USP9X: variants seen among roughly 807,000 people sequenced by gnomAD.
USP9X encodes ubiquitin carboxyl-terminal hydrolase 9X.
A neutral mutation model predicts 190.3 loss-of-function variants in USP9X; 7 were observed. The ratio of observed to expected loss-of-function variants is 0.04; its 90% confidence interval spans 0.02 to 0.07. The LOEUF is 0.07. Among genes scored for constraint, USP9X ranks in the 10% least tolerant of loss-of-function variants. The pLI, the probability that USP9X is intolerant of heterozygous loss-of-function variation, is 1.00. For missense variants in USP9X, 1,010 were observed against 1,916.9 expected, an observed-to-expected ratio of 0.53 and a Z score of 8.83; for synonymous variants, 645 against 659.5, an observed-to-expected ratio of 0.98 and a Z score of 0.34.
intron 13 of USP9X, among the ~76,000 whole-genome samples, chrX:41,151,704 G>A (rs184597230): frequency 1.3e-3 from 150 of 112,830 alleles, no homozygotes; most frequent in African/African-American, 4.6e-3. Context: ...TGTTTGGCCT[G>A]GTGCGGTGGC....
chrX:41,200,185 T>C (rs1381437991), intron 30 of USP9X, among the ~76,000 whole-genome samples: 3 of 108,972 alleles, frequency 2.8e-5, no homozygotes, highest in Non-Finnish European at 5.7e-5. Flanking sequence ...TTAGCTGTCC[T>C]ATCAAATCTA....
chrX:41,226,519 TA>T (rs1394519958), intron 41 of USP9X, among the ~76,000 whole-genome samples: 1 of 112,216 alleles, frequency 8.9e-6, no homozygotes, highest in Non-Finnish European at 1.9e-5. Flanking sequence ...ACAAGTTCTG[TA>T]ACAACAAAAT....
At chrX:41,190,128 A>G (rs766918087) in intron 26 of USP9X, among the ~76,000 whole-genome samples, 43 of 112,364 alleles carry the variant, frequency 3.8e-4, no homozygotes, top group African/African-American at 1.4e-3. Flanking sequence ...TTTTGTGAAA[A>G]GACACAGAAA....
chrX:41,184,255 G>A, intron 22 of USP9X, 127 bp downstream of exon 22: 1 of 998,397 alleles, frequency 1.0e-6, no homozygotes, highest in Non-Finnish European at 1.3e-6. Flanking sequence ...TAATGAAGTA[G>A]TTTTGAAATG....
At chrX:41,128,231 TG>T (rs1203266308) in intron 2 of USP9X, among the ~76,000 whole-genome samples, 2 of 112,159 alleles carry the variant, frequency 1.8e-5, no homozygotes, top group Non-Finnish European at 3.8e-5. Flanking sequence ...TACTTTATAA[TG>T]TATAAAATGT....
At chrX:41,123,301 G>T (rs886597869) in intron 1 of USP9X, among the ~76,000 whole-genome samples, 170 bp from the exon 2 acceptor site, 2 of 111,914 alleles carry the variant, frequency 1.8e-5, no homozygotes, top group Non-Finnish European at 3.8e-5. Flanking sequence ...CCAATGATCA[G>T]TTTTAAGTTA....
intron 31 of USP9X, 170 bp from the exon 32 acceptor site, chrX:41,205,133 T>A: frequency 2.5e-6 from 1 of 396,116 alleles, no homozygotes; most frequent in South Asian, 5.5e-5. Context: ...TGATAACTAA[T>A]ATGTGAAATG....
rs1602013204 is a variant in USP9X at position 41,186,752 on chromosome X, A to G, written c.3684+110A>G. 5 of 851,257 alleles carry G rather than the reference A, an allele frequency of 5.9e-6. No individual in the cohort carries two copies. In the East Asian group the frequency reaches 9.6e-5, roughly 16 times the overall value. 70.2% of individuals were successfully genotyped at this position (851,257 alleles called of 1,213,427 possible). A position where few individuals can be genotyped will look rare whatever the true frequency, so the allele number is the denominator to read the frequency against. ...CCCCTTAATATCAGTTTTGTCTACT[A>G]TTAATATTAGTACTTTCTGTTTTTA... On this transcript the variant is annotated intron_variant, in intron 24 of 44. Transcript: ENST00000378308.
chrX:41,154,924 G>A (rs1410496219), intron 14 of USP9X, among the ~76,000 whole-genome samples: 1 of 111,631 alleles, frequency 9.0e-6, no homozygotes, highest in African/African-American at 3.3e-5. Context: ...TTTAAAACCA[G>A]TAAAATTCTT....
At chrX:41,101,668 C>CA (rs1414187077) in intron 1 of USP9X, among the ~76,000 whole-genome samples, 7 of 108,153 alleles carry the variant, frequency 6.5e-5, no homozygotes, top group African/African-American at 9.9e-5. Context: ...GACTCCGTCT[C>CA]AAAAAAAATA....
chrX:41,113,547 G>A (rs2062125002), intron 1 of USP9X, among the ~76,000 whole-genome samples: 2 of 111,948 alleles, frequency 1.8e-5, no homozygotes, highest in Non-Finnish European at 3.8e-5. Context: ...TTGAAAGAAA[G>A]CTTAGCTGAA....
At chrX:41,151,624 T>C (rs144140001) in intron 13 of USP9X, among the ~76,000 whole-genome samples, 461 of 111,730 alleles carry the variant, frequency 4.1e-3, no homozygotes, top group African/African-American at 0.014. Context: ...CACAGTGGAG[T>C]CAGGATTCCT....
At chrX:41,198,216 A>G (rs1381192371) in intron 29 of USP9X, among the ~76,000 whole-genome samples, 2 of 111,959 alleles carry the variant, frequency 1.8e-5, no homozygotes, top group Non-Finnish European at 3.8e-5. Context: ...TTTTATTTCT[A>G]TTCAAAATGG....
intron 2 of USP9X, among the ~76,000 whole-genome samples, chrX:41,125,242 AT>A (rs920945738): frequency 1.8e-5 from 2 of 109,097 alleles, no homozygotes; most frequent in African/African-American, 6.7e-5. Flanking sequence ...CACTCAGCTA[AT>A]TTTTGTATTT....
intron 44 of USP9X, among the ~76,000 whole-genome samples, chrX:41,231,230 C>T (rs767938308): frequency 5.6e-4 from 62 of 111,646 alleles, no homozygotes; most frequent in African/African-American, 1.8e-3. Flanking sequence ...GAGCTAGATG[C>T]TACCCTAAAG....
At chrX:41,113,818 T>C (rs1370475258) in intron 1 of USP9X, among the ~76,000 whole-genome samples, 3 of 112,144 alleles carry the variant, frequency 2.7e-5, no homozygotes, top group African/African-American at 6.5e-5. Flanking sequence ...GTAAAATACA[T>C]GTAGATAATA....
At chrX:41,191,931 C>A (rs1032945585) in intron 26 of USP9X, among the ~76,000 whole-genome samples, 1 of 111,480 alleles carries the variant, frequency 9.0e-6, no homozygotes, top group Non-Finnish European at 1.9e-5. Flanking sequence ...AGTGCGCTCT[C>A]TCTCTCCCTT....
At position 41,184,468 on chromosome X, in the gene USP9X, C is replaced by A; in HGVS notation, c.3351C>A (p.Phe1117Leu). 8.3e-7 allele frequency: 1 copy of A among 1,211,128 alleles called. No homozygotes were observed. The highest frequency in any genetic ancestry group is 1.1e-6 in the Non-Finnish European group (1 of 895,300). Residue 1117 changes from phenylalanine to leucine, a missense_variant, in exon 23 of 45, where the codon TTC (phenylalanine) becomes TTA (leucine). Phe to Leu is a conservative substitution (Grantham distance 22). Around this residue, in one of 11 missense-constraint regions of USP9X, gnomAD observed 351 missense variants for 480.8 expected, o/e 0.73. Transcript: ENST00000378308. ...ATTCCTCTGATTTTCAGTTTCACTT[C>A]TTGAAAAGTGGTGGCCTACCCCTTG... ...ADDSSDFQFH[F>L]LKSGGLPLVL...
Position 41,233,689 on chromosome X carries a change from C to T in USP9X, c.*1165C>T, listed in dbSNP as rs1461985172. ...AGCAAGAATTGTCCTAGCTCCTTTT[C>T]CATTATTCCAAAACGTTTAACGTTC... On this transcript the variant is annotated 3_prime_UTR_variant, in exon 45 of 45. Transcript: ENST00000378308. 1 of 111,984 alleles carries T rather than the reference C, an allele frequency of 8.9e-6. No individual in the cohort carries two copies. The highest frequency in any genetic ancestry group is 1.9e-5 in the Non-Finnish European group (1 of 53,203). The allele number at this position is 111,984 out of a possible 1,213,427, so 9.2% of individuals were successfully genotyped here.
Sources: allele counts gnomAD v4.1 joint callset (sites outside exome capture counted in the v4.1 genomes callset), GRCh38; gene constraint gnomAD v4.1.1; regional missense constraint gnomAD v4.1.1; transcripts MANE v1.5; gene names NCBI Gene and HGNC (gene_info 2026-07-23, HGNC 2026-07-21).